The following MAPKAPK5 variants were observed in gnomAD, a reference collection of about 807,000 sequenced individuals.
MAPKAPK5 encodes MAPK activated protein kinase 5, also known as MAP kinase-activated protein kinase 5.
In MAPKAPK5, 30 loss-of-function variants were observed where a neutral mutation model predicts 65.1. The observed-to-expected ratio is 0.46, with a 90% CI of 0.34 to 0.63. The LOEUF (loss-of-function observed/expected upper bound fraction) is 0.63, where lower values mean the gene tolerates loss of function less well. Ranked by LOEUF, MAPKAPK5 falls within the 20% of genes least tolerant of loss-of-function variation. The pLI is 0.01. For missense variants in MAPKAPK5, 433 were observed against 581.4 expected (o/e 0.74, Z 2.63); for synonymous variants, 179 against 204.6 (o/e 0.87, Z 1.07).
chr12:111,896,589 TAACA>T lies in MAPKAPK5; in HGVS notation c.*3533_*3536del, dbSNP rs1205268547. On this transcript the variant is annotated 3_prime_UTR_variant, in exon 14 of 14. Transcript: ENST00000550735. ...GATATCTTTCTCATATTTTTTGGCC[TAACA>T]AACACCTATACCTGTGGAAACATAA... 2.0e-5 allele frequency: 3 copies of T among 152,218 alleles called. No individual in the cohort carries two copies. Among genetic ancestry groups the T allele is most frequent in the African/African-American group, 4.8e-5 (2 of 41,466 alleles). 9.4% of individuals were successfully genotyped at this position (152,218 alleles called of 1,614,324 possible).
Position 111,880,509 on chromosome 12 carries a change from G to T in MAPKAPK5, c.642G>T (p.Thr214=). 6.2e-7 allele frequency: 1 copy of T among 1,613,456 alleles called. No homozygotes were observed. The highest frequency in any genetic ancestry group is 2.2e-5 in the East Asian group (1 of 44,838). ...CTGGCATCATACCTACCTCACCGAC[G>T]CCCTACACTTACAACAAGGTACAGG... ...EKSGIIPTSP[T]PYTYNKSCDL... Residue 214 remains threonine (T), a synonymous_variant, in exon 8 of 14, where the codon ACG becomes ACT. Transcript: ENST00000550735.
intron 7 of MAPKAPK5, among the ~76,000 whole-genome samples, chr12:111,878,456 C>T (rs2070075030): frequency 6.6e-6 from 1 of 151,974 alleles, no homozygotes; most frequent in African/African-American, 2.4e-5. Context: ...GAGTCTCACT[C>T]TGTTGCCAAG....
In MAPKAPK5 at chr12:111,842,774, G is replaced by A. The variant is rs557429929; in HGVS notation, c.36+5G>A. On this transcript the variant is annotated splice_donor_5th_base_variant and intron_variant, in intron 1 of 13. Coordinates refer to ENST00000550735, the MANE Select transcript of MAPKAPK5 (RefSeq NM_003668.4). ...GACATGGACAAAGCCATCAAGGTAA[G>A]GGGGAGGTGCCCCCTCTTCCCCCGC... The A allele has an allele frequency of 2.7e-5, 36 of 1,327,828 alleles. No homozygotes were observed. Among genetic ancestry groups the A allele is most frequent in the Admixed American group, 2.2e-4 (7 of 32,038 alleles). 82.3% of individuals were successfully genotyped at this position (1,327,828 alleles called of 1,614,324 possible). A position where few individuals can be genotyped will look rare whatever the true frequency, so the allele number is the denominator to read the frequency against.
Position 111,867,755 on chromosome 12 carries a change from C to G in MAPKAPK5, c.284+86C>G. The G allele has an allele frequency of 6.5e-6, 6 of 928,458 alleles. No individual in the cohort carries two copies. In the Admixed American group the frequency reaches 1.1e-4, roughly 17 times the overall value. 57.5% of individuals were successfully genotyped at this position (928,458 alleles called of 1,614,324 possible). On this transcript the variant is annotated intron_variant, in intron 4 of 13. Transcript: ENST00000550735. Reference sequence around the variant, plus strand: ...TCCTCTCTTTTATGTGCTCCCTCCCCTTCCCTCTCCTTCTTCCTCCTACCC... The same window carrying G: ...TCCTCTCTTTTATGTGCTCCCTCCCGTTCCCTCTCCTTCTTCCTCCTACCC...
Position 111,901,624 on chromosome 12 carries a change from G to A in MAPKAPK5, c.*8563G>A. 7.3e-6 allele frequency: 2 copies of A among 272,352 alleles called. No homozygotes were observed. The highest frequency in any genetic ancestry group is 1.4e-5 in the Non-Finnish European group (2 of 138,036). The allele number at this position is 272,352 out of a possible 1,614,324, so 16.9% of individuals were successfully genotyped here. The stretch of plus-strand genomic sequence containing the variant: ...AAATAAAGCCAGAAGCAGCAGAAGT[G>A]GCCACAGAAGAAAAAGAAGAGAAGG... On this transcript the variant is annotated 3_prime_UTR_variant, in exon 14 of 14. Coordinates refer to ENST00000550735, the MANE Select transcript of MAPKAPK5 (RefSeq NM_003668.4).
At chr12:111,868,088 A>T (rs1420935491) in intron 4 of MAPKAPK5, among the ~76,000 whole-genome samples, 34 of 152,238 alleles carry the variant, frequency 2.2e-4, no homozygotes, top group Admixed American at 2.2e-3. Context: ...GGCTGATAAA[A>T]CAAAAAGCCT....
At chr12:111,871,386 A>G (rs2069778465) in intron 7 of MAPKAPK5, among the ~76,000 whole-genome samples, 1 of 152,162 alleles carries the variant, frequency 6.6e-6, no homozygotes, top group African/African-American at 2.4e-5. Flanking sequence ...CACGCCTTTA[A>G]TCCCAGCACT....
chr12:111,890,217 T>C (rs1415493045), intron 13 of MAPKAPK5, 73 bp downstream of exon 13: 2 of 1,152,474 alleles, frequency 1.7e-6, no homozygotes, highest in Non-Finnish European at 2.5e-6. Flanking sequence ...TAGGATCTCT[T>C]TGGGGCCTGA....
rs954776488 is a variant in MAPKAPK5 at position 111,895,221 on chromosome 12, T to G, written c.*2160T>G. ...ACACCATTCTCCTACCTCAGCCTCC[T>G]GAGTAGCTGGGACTATACAGGTGCC... On this transcript the variant is annotated 3_prime_UTR_variant, in exon 14 of 14. Coordinates refer to ENST00000550735, the MANE Select transcript of MAPKAPK5 (RefSeq NM_003668.4). 1 of 148,216 alleles carries G rather than the reference T, an allele frequency of 6.7e-6. No individual in the cohort carries two copies. Among genetic ancestry groups the G allele is most frequent in the Non-Finnish European group, 1.5e-5 (1 of 67,168 alleles). The allele number at this position is 148,216 out of a possible 1,614,324, so 9.2% of individuals were successfully genotyped here. A position where few individuals can be genotyped will look rare whatever the true frequency, so the allele number is the denominator to read the frequency against.
intron 8 of MAPKAPK5, 84 bp downstream of exon 8, chr12:111,880,611 C>G: frequency 1.7e-6 from 2 of 1,186,766 alleles, no homozygotes; most frequent in Non-Finnish European, 1.2e-6. Context: ...GGGAGTGTGG[C>G]CAATTCCTTT....
At chr12:111,858,796 C>G (rs2069332398) in intron 1 of MAPKAPK5, among the ~76,000 whole-genome samples, 1 of 147,008 alleles carries the variant, frequency 6.8e-6, no homozygotes, top group Admixed American at 6.7e-5. Context: ...CCGCCTTGGC[C>G]TCCTAAAGTG....
Position 111,888,743 on chromosome 12 carries a change from A to C in MAPKAPK5, c.1100+125A>C, listed in dbSNP as rs946809097. Reference sequence around the variant, plus strand: ...AGCCTCTGAAGAGGGTGGAGAGGATAAGTTCTTTAAATAGTATCAGGAGTT... The same window carrying C: ...AGCCTCTGAAGAGGGTGGAGAGGATCAGTTCTTTAAATAGTATCAGGAGTT... On this transcript the variant is annotated intron_variant, in intron 11 of 13. Coordinates refer to ENST00000550735, the MANE Select transcript of MAPKAPK5 (RefSeq NM_003668.4). 1.1e-5 allele frequency: 17 copies of C among 1,509,992 alleles called. No individual in the cohort carries two copies. In the African/African-American group the frequency reaches 1.9e-4, roughly 17 times the overall value. 93.5% of individuals were successfully genotyped at this position (1,509,992 alleles called of 1,614,324 possible).
At position 111,895,188 on chromosome 12, in the gene MAPKAPK5, C is replaced by G. The variant is rs1023586572; in HGVS notation, c.*2127C>G. 6.7e-6 allele frequency: 1 copy of G among 149,882 alleles called. No homozygotes were observed. Among genetic ancestry groups the G allele is most frequent in the Non-Finnish European group, 1.5e-5 (1 of 67,634 alleles). The allele number at this position is 149,882 out of a possible 1,614,324, so 9.3% of individuals were successfully genotyped here. A position where few individuals can be genotyped will look rare whatever the true frequency, so the allele number is the denominator to read the frequency against. The stretch of plus-strand genomic sequence containing the variant: ...CTTGGCTCACTGCAAGCTCTGCCTC[C>G]CAGGTTCACACCATTCTCCTACCTC... On this transcript the variant is annotated 3_prime_UTR_variant, in exon 14 of 14. Coordinates refer to ENST00000550735, the MANE Select transcript of MAPKAPK5 (RefSeq NM_003668.4).
intron 1 of MAPKAPK5, among the ~76,000 whole-genome samples, chr12:111,843,826 T>G (rs1311956928): frequency 6.6e-6 from 1 of 152,222 alleles, no homozygotes; most frequent in Non-Finnish European, 1.5e-5. Context: ...TGTTTGTTTG[T>G]TTTTGAGACG....
Position 111,900,997 on chromosome 12 carries a change from A to G in MAPKAPK5, c.*7936A>G. On this transcript the variant is annotated 3_prime_UTR_variant, in exon 14 of 14. Transcript: ENST00000550735. ...GGCATTTCTACCAGTCCTGGGTCAC[A>G]ATATGTTCGGTGTTCAGATGGTAAT... 1 of 456,108 alleles carries G rather than the reference A, an allele frequency of 2.2e-6. No homozygotes were observed. Among genetic ancestry groups the G allele is most frequent in the Non-Finnish European group, 4.4e-6 (1 of 226,806 alleles). 28.3% of individuals were successfully genotyped at this position (456,108 alleles called of 1,614,324 possible).
At chr12:111,879,154 G>A (rs1235163503) in intron 7 of MAPKAPK5, among the ~76,000 whole-genome samples, 1 of 152,114 alleles carries the variant, frequency 6.6e-6, no homozygotes, top group African/African-American at 2.4e-5. Context: ...TGAGCAAGCT[G>A]TATCACTCCA....
intron 1 of MAPKAPK5, among the ~76,000 whole-genome samples, chr12:111,851,059 C>T (rs1163069424): frequency 6.6e-6 from 1 of 151,934 alleles, no homozygotes; most frequent in Non-Finnish European, 1.5e-5. Flanking sequence ...CCACCACGCC[C>T]AGCTAATTTT....
intron 10 of MAPKAPK5, 182 bp from the exon 11 acceptor site, chr12:111,888,306 T>G: frequency 1.4e-6 from 1 of 731,902 alleles, no homozygotes; most frequent in Non-Finnish European, 2.1e-6. Flanking sequence ...GGCCTGGTGT[T>G]TCCTGGTTCC....
intron 1 of MAPKAPK5, among the ~76,000 whole-genome samples, chr12:111,844,459 G>A (rs1419420003): frequency 6.6e-6 from 1 of 152,188 alleles, no homozygotes; most frequent in African/African-American, 2.4e-5. Flanking sequence ...CCAAAGTTCT[G>A]AGATAACAGG....
Sources: allele counts gnomAD v4.1 joint callset (sites outside exome capture counted in the v4.1 genomes callset), GRCh38; gene constraint gnomAD v4.1.1; transcripts MANE v1.5; gene names NCBI Gene and HGNC (gene_info 2026-07-23, HGNC 2026-07-21).